The following AGMO variants were observed in gnomAD, a reference collection of about 807,000 sequenced individuals.
AGMO encodes alkylglycerol monooxygenase.
In AGMO, 75 loss-of-function variants were observed where a neutral mutation model predicts 60.2. That is an observed-to-expected ratio of 1.25 (90% CI 1.03 to 1.51). The LOEUF is 1.51. Ranked by LOEUF, AGMO falls within the 40% of genes most tolerant of loss-of-function variation. The pLI is 0.00. For synonymous variants in AGMO, 261 were observed against 177.1 expected (o/e 1.47, Z -3.76); for missense variants, 763 against 525.5 (o/e 1.45, Z -4.42).
At chr7:15,323,381 A>C (rs543498482) in intron 12 of AGMO, among the ~76,000 whole-genome samples, 85 of 152,324 alleles carry the variant, frequency 5.6e-4, no homozygotes, top group Middle Eastern at 3.4e-3. Context: ...CAAAGAAAAA[A>C]ATAACCAGCA....
intron 12 of AGMO, among the ~76,000 whole-genome samples, chr7:15,222,807 T>C (rs779697737): frequency 9.2e-5 from 14 of 152,150 alleles, no homozygotes; most frequent in Non-Finnish European, 1.9e-4. Flanking sequence ...AAGTTGCAAA[T>C]ACCTAGAAAT....
intron 10 of AGMO, among the ~76,000 whole-genome samples, chr7:15,370,227 C>T (rs1035051731): frequency 6.6e-6 from 1 of 152,166 alleles, no homozygotes; most frequent in African/African-American, 2.4e-5. Context: ...CTGCAAAGGA[C>T]ATGAATTCTT....
chr7:15,301,743 A>C (rs959441933), intron 12 of AGMO, among the ~76,000 whole-genome samples: 1 of 152,200 alleles, frequency 6.6e-6, no homozygotes, highest in Non-Finnish European at 1.5e-5. Context: ...TATTGGATAC[A>C]TAACAGTGAA....
chr7:15,480,190 T>C (rs1782712179), intron 3 of AGMO, among the ~76,000 whole-genome samples: 1 of 152,148 alleles, frequency 6.6e-6, no homozygotes. Context: ...TAAAAATCAC[T>C]GTAAATTGCT....
chr7:15,505,115 C>T (rs367722440), intron 3 of AGMO, among the ~76,000 whole-genome samples: 1 of 149,542 alleles, frequency 6.7e-6, no homozygotes, highest in East Asian at 1.9e-4. Context: ...TGATTTTATC[C>T]ACGTTTCAAG....
At chr7:15,423,824 C>A (rs182593725) in intron 4 of AGMO, among the ~76,000 whole-genome samples, 12 of 152,186 alleles carry the variant, frequency 7.9e-5, no homozygotes, top group Non-Finnish European at 1.6e-4. Context: ...ACTGAGTCTC[C>A]CTCATAGCCC....
intron 12 of AGMO, among the ~76,000 whole-genome samples, chr7:15,289,000 A>G (rs1392722434): frequency 2.6e-5 from 4 of 151,830 alleles, no homozygotes; most frequent in African/African-American, 7.3e-5. Flanking sequence ...CTGTTGTTCT[A>G]TTACCTGACA....
chr7:15,194,008 A>G, the AGMO span, among the ~76,000 whole-genome samples: 6 of 152,152 alleles, frequency 3.9e-5, no homozygotes, highest in African/African-American at 1.2e-4. Flanking sequence ...ATTTCAAGAA[A>G]TTTTTCTGCT....
At chr7:15,447,189 G>T (rs6461175) in intron 3 of AGMO, among the ~76,000 whole-genome samples, 121,909 of 152,172 alleles carry the variant, frequency 0.8, 49,862 homozygotes, top group African/African-American at 0.87. Context: ...TAAAACATCA[G>T]CCTCATAATA....
intron 12 of AGMO, among the ~76,000 whole-genome samples, chr7:15,338,769 T>C (rs2128547975): frequency 6.6e-6 from 1 of 152,278 alleles, no homozygotes; most frequent in African/African-American, 2.4e-5. Context: ...GCCACTTTTC[T>C]TCCTCTGGAA....
chr7:15,380,147 T>G (rs1278079313), intron 10 of AGMO, among the ~76,000 whole-genome samples: 4 of 152,054 alleles, frequency 2.6e-5, no homozygotes, highest in Non-Finnish European at 4.4e-5. Flanking sequence ...AACATAGTAT[T>G]TTAAGTTCTG....
intron 12 of AGMO, among the ~76,000 whole-genome samples, chr7:15,220,522 C>A (rs1478863906): frequency 6.6e-6 from 1 of 151,788 alleles, no homozygotes; most frequent in Non-Finnish European, 1.5e-5. Flanking sequence ...CCGGCCCTGA[C>A]TGTGCTTTAA....
chr7:15,395,841 T>C (rs943807800), intron 5 of AGMO, among the ~76,000 whole-genome samples: 5 of 152,230 alleles, frequency 3.3e-5, no homozygotes, highest in Non-Finnish European at 7.3e-5. Context: ...CGTTTGTTTT[T>C]TGACAACCTC....
Position 15,418,643 on chromosome 7 carries a change from G to A in AGMO, c.524C>T (p.Ser175Phe), listed in dbSNP as rs765670837. 11 of 1,554,674 alleles carry A rather than the reference G, an allele frequency of 7.1e-6. 1 individual carries two copies. The South Asian group carries it at 9.7e-5, about 14-fold the overall frequency. The change falls in exon 5 of 13, where the codon TCT becomes TTT. Residue 175 changes from serine (S) to phenylalanine (F), a missense_variant. Coordinates refer to ENST00000342526, the MANE Select transcript of AGMO (RefSeq NM_001004320.2). ...LQIYTSWIFYSPLALFIPPSV... is the reference protein window; with the variant it reads ...LQIYTSWIFYFPLALFIPPSV... ...AGGGGGTATGAAGAGGGCCAGGGGA[G>A]AGTAGAAAATCTGAAAGAAAAAATT... is the stretch of plus-strand genomic sequence containing the variant.
chr7:15,338,601 T>C (rs1382123243), intron 12 of AGMO, among the ~76,000 whole-genome samples: 1 of 152,106 alleles, frequency 6.6e-6, no homozygotes, highest in East Asian at 1.9e-4. Flanking sequence ...TCCTAAAAAC[T>C]GAAACAACTT....
chr7:15,305,588 T>C (rs949006576), intron 12 of AGMO, among the ~76,000 whole-genome samples: 1 of 152,052 alleles, frequency 6.6e-6, no homozygotes, highest in African/African-American at 2.4e-5. Context: ...AATTTTACTC[T>C]GACAGAAATT....
chr7:15,371,115 CAA>C (rs1408843801), intron 10 of AGMO, among the ~76,000 whole-genome samples: 4 of 152,002 alleles, frequency 2.6e-5, no homozygotes, highest in South Asian at 2.1e-4. Context: ...AAAATTAACT[CAA>C]GATTGATTAA....
chr7:15,383,440 CCACCTAA>C (rs1184082538), intron 10 of AGMO, among the ~76,000 whole-genome samples: 1 of 152,000 alleles, frequency 6.6e-6, no homozygotes, highest in Admixed American at 6.6e-5. Flanking sequence ...AAAAAAAGTC[CCACCTAA>C]CACTCCTGCC....
the AGMO span, among the ~76,000 whole-genome samples, chr7:15,123,920 C>G: frequency 6.6e-6 from 1 of 152,076 alleles, no homozygotes; most frequent in African/African-American, 2.4e-5. Context: ...AGGTTTCTTA[C>G]TCAGATAACT....
Sources: gnomAD v4.1 joint callset for allele counts (sites outside exome capture counted in the v4.1 genomes callset) on GRCh38, gnomAD v4.1.1 for gene constraint, MANE v1.5 for transcripts, NCBI Gene and HGNC (gene_info 2026-07-23, HGNC 2026-07-21) for gene names.